Variants in TRMT9B observed in about 807,000 individuals in gnomAD.
TRMT9B encodes tRNA methyltransferase 9B (putative).
Under a neutral mutation model 11.5 loss-of-function variants are expected in TRMT9B, and 16 were observed. The ratio of observed to expected loss-of-function variants is 1.39; its 90% CI spans 0.94 to 2.11. The LOEUF (loss-of-function observed/expected upper bound fraction) is 2.11, where lower values mean the gene tolerates loss of function less well. Among genes scored for constraint, TRMT9B ranks in the 30% most tolerant of loss-of-function variants. The probability of loss-of-function intolerance (pLI) is 0.00; values close to 1 mark genes in which losing one functional copy is unlikely to be tolerated. For synonymous variants in TRMT9B, 274 were observed against 192.4 expected (o/e 1.42, Z -3.51); for missense variants, 941 against 553.8 (o/e 1.70, Z -7.02).
chr8:12,998,686 C>T (rs907559221), intron 2 of TRMT9B, among the ~76,000 whole-genome samples: 1 of 152,200 alleles, frequency 6.6e-6, no homozygotes, highest in Non-Finnish European at 1.5e-5. Flanking sequence ...CAAAACAAAG[C>T]CTTCTTTCTC....
intron 2 of TRMT9B, 69 bp from the exon 3 acceptor site, chr8:13,006,133 C>T (rs1280717588): frequency 6.8e-7 from 1 of 1,465,674 alleles, no homozygotes; most frequent in Non-Finnish European, 9.4e-7. Flanking sequence ...AGGAAATCTG[C>T]ATCCTCCTTC....
chr8:12,966,905 G>A (rs1415746405), intron 1 of TRMT9B, among the ~76,000 whole-genome samples: 1 of 152,112 alleles, frequency 6.6e-6, no homozygotes, highest in Non-Finnish European at 1.5e-5. Context: ...TTACTACCTT[G>A]CTTCCATTTT....
At chr8:12,962,148 G>C (rs1373088148) in intron 1 of TRMT9B, 1 of 152,356 alleles carries the variant, frequency 6.6e-6, no homozygotes, top group Admixed American at 6.5e-5. Flanking sequence ...GAAGCTCTTG[G>C]GGCTATGCAT....
At chr8:13,018,626 A>G (rs1389685475) in intron 4 of TRMT9B, among the ~76,000 whole-genome samples, 1 of 152,210 alleles carries the variant, frequency 6.6e-6, no homozygotes, top group Non-Finnish European at 1.5e-5. Context: ...AGTGGAATAT[A>G]GAATCCCAAG....
chr8:12,987,453 G>C (rs1806516699), intron 1 of TRMT9B, among the ~76,000 whole-genome samples: 1 of 152,144 alleles, frequency 6.6e-6, no homozygotes, highest in Non-Finnish European at 1.5e-5. Context: ...CATTTCAGGA[G>C]GCCAAGGCAG....
At chr8:13,008,823 G>A (rs1364460821) in intron 3 of TRMT9B, among the ~76,000 whole-genome samples, 1 of 152,138 alleles carries the variant, frequency 6.6e-6, no homozygotes, top group Non-Finnish European at 1.5e-5. Context: ...CCGCCTCCCG[G>A]GTTCACGCCA....
At chr8:13,013,582 G>T (rs941683621) in intron 4 of TRMT9B, among the ~76,000 whole-genome samples, 2 of 151,558 alleles carry the variant, frequency 1.3e-5, no homozygotes, top group African/African-American at 4.8e-5. Flanking sequence ...CCTATGACAA[G>T]GTTTTTTTTG....
intron 3 of TRMT9B, chr8:13,010,490 G>A (rs1057209405): frequency 2.0e-6 from 2 of 984,220 alleles, no homozygotes; most frequent in Non-Finnish European, 1.2e-6. Context: ...CAATAGTTTG[G>A]ATTAAAAAAT....
At chr8:12,997,221 G>T (rs1035852940) in intron 2 of TRMT9B, among the ~76,000 whole-genome samples, 1 of 152,000 alleles carries the variant, frequency 6.6e-6, no homozygotes, top group African/African-American at 2.4e-5. Context: ...TATGGTGGTG[G>T]ATCCCTCAGG....
At chr8:13,014,326 C>T (rs1812218759) in intron 4 of TRMT9B, among the ~76,000 whole-genome samples, 1 of 152,216 alleles carries the variant, frequency 6.6e-6, no homozygotes, top group South Asian at 2.1e-4. Flanking sequence ...AAACAACAGA[C>T]ATTTATTTCT....
rs533596708 is a variant in TRMT9B, at chr8:13,020,527, C to A, written c.329-481C>A. On this transcript the variant is annotated intron_variant, in intron 4 of 4. Coordinates refer to ENST00000524591, the MANE Select transcript of TRMT9B (RefSeq NM_020844.3). ...TGCATTATCTAGACAGAGAAACAAT[C>A]TTTAACATATTTCTGTACTTCTCAG... Among the ~76,000 whole-genome samples, 49 of 152,262 alleles carry A rather than the reference C, an allele frequency of 3.2e-4. No homozygotes were observed. In the South Asian group the frequency reaches 9.9e-3, roughly 31 times the overall value.
At chr8:12,998,210 G>A (rs1438155170) in intron 2 of TRMT9B, among the ~76,000 whole-genome samples, 7 of 152,094 alleles carry the variant, frequency 4.6e-5, no homozygotes, top group Admixed American at 3.3e-4. Context: ...TCTCTTCATG[G>A]TGTCTTCATT....
chr8:12,946,434 G>T (rs1035101771), intron 1 of TRMT9B, among the ~76,000 whole-genome samples: 32 of 152,096 alleles, frequency 2.1e-4, no homozygotes, highest in African/African-American at 7.7e-4. Context: ...GGCTATGAAG[G>T]GCAAGAAGAA....
At chr8:12,950,816 T>G (rs1192046900) in intron 1 of TRMT9B, among the ~76,000 whole-genome samples, 1 of 152,170 alleles carries the variant, frequency 6.6e-6, no homozygotes, top group East Asian at 1.9e-4. Flanking sequence ...GACCAGCGTC[T>G]ATGTGAGACC....
At chr8:12,959,690 T>G (rs1801824562) in intron 1 of TRMT9B, among the ~76,000 whole-genome samples, 1 of 151,830 alleles carries the variant, frequency 6.6e-6, no homozygotes, top group Non-Finnish European at 1.5e-5. Flanking sequence ...TAGCTAACTT[T>G]GTTTAGTTTT....
At chr8:12,964,105 C>A (rs1159861242) in intron 1 of TRMT9B, among the ~76,000 whole-genome samples, 1 of 152,172 alleles carries the variant, frequency 6.6e-6, no homozygotes, top group Non-Finnish European at 1.5e-5. Flanking sequence ...GTTTTATGAT[C>A]AAGGTAGAAT....
In TRMT9B at chr8:12,953,998, G is replaced by C. The variant is rs1209028687; in HGVS notation, c.-200+8032G>C. Among the ~76,000 whole-genome samples the C allele has an allele frequency of 2.0e-5, 3 of 152,148 alleles. No homozygotes were observed. In the South Asian group the frequency reaches 6.2e-4, roughly 32 times the overall value. On this transcript the variant is annotated intron_variant, in intron 1 of 4. Transcript: ENST00000524591. ...TCAATTACCGTAATGATGTTCTTTG[G>C]AAATGTGCCTTTTTGCGTGTATATC...
At chr8:12,981,853 C>T (rs148058462) in intron 1 of TRMT9B, among the ~76,000 whole-genome samples, 124 of 152,244 alleles carry the variant, frequency 8.1e-4, no homozygotes, top group African/African-American at 2.7e-3. Flanking sequence ...CCTGCCTCAG[C>T]CTCCCAAAGC....
rs965949256 is a variant in TRMT9B, at chr8:13,012,863, G to T, written c.328+6G>T. 1 of 1,612,802 alleles carries T rather than the reference G, an allele frequency of 6.2e-7. No homozygotes were observed. Among genetic ancestry groups the T allele is most frequent in the African/African-American group, 1.3e-5 (1 of 74,884 alleles). ...TGCCATCATCTCCATAGGAGGTAAGGCAGCCAGATCACACATTCACCCTTT... is the reference window on the plus strand; with the variant it reads ...TGCCATCATCTCCATAGGAGGTAAGTCAGCCAGATCACACATTCACCCTTT... On this transcript the variant is annotated splice_donor_region_variant and intron_variant, in intron 4 of 4. Coordinates refer to ENST00000524591, the MANE Select transcript of TRMT9B (RefSeq NM_020844.3).
Sources: allele counts gnomAD v4.1 joint callset (sites outside exome capture counted in the v4.1 genomes callset), GRCh38; gene constraint gnomAD v4.1.1; transcripts MANE v1.5; gene names NCBI Gene and HGNC (gene_info 2026-07-23, HGNC 2026-07-21).